The following EPHX4 variants were observed in gnomAD, a reference collection of about 807,000 sequenced individuals.
The protein encoded by EPHX4 is epoxide hydrolase 4.
In EPHX4, 31 loss-of-function variants were observed where a neutral mutation model predicts 44.9. That is an observed-to-expected ratio of 0.69 (90% CI 0.52 to 0.93). EPHX4 has a LOEUF of 0.93. EPHX4 is among the 40% of genes least tolerant of loss of function. The pLI is 0.00. For synonymous variants in EPHX4, 151 were observed against 159.7 expected (o/e 0.95, Z 0.41); for missense variants, 373 against 438.1 (o/e 0.85, Z 1.33).
At chr1:92,038,768 G>A (rs561564241) in intron 2 of EPHX4, among the ~76,000 whole-genome samples, 3 of 152,200 alleles carry the variant, frequency 2.0e-5, no homozygotes, top group African/African-American at 7.2e-5. Context: ...TTCAGACAAA[G>A]GAAACCATAT....
At chr1:92,036,780 G>T (rs954436361) in intron 2 of EPHX4, among the ~76,000 whole-genome samples, 10 of 152,212 alleles carry the variant, frequency 6.6e-5, no homozygotes, top group Admixed American at 6.5e-4. Context: ...CTACCTGGTT[G>T]TTTAGGGAGC....
intron 4 of EPHX4, among the ~76,000 whole-genome samples, chr1:92,048,632 T>G (rs939208219): frequency 2.0e-5 from 3 of 152,178 alleles, no homozygotes; most frequent in Non-Finnish European, 2.9e-5. Flanking sequence ...AATATAGTTA[T>G]GAAATGGGAA....
chr1:92,030,904 A>T (rs1250868109), intron 1 of EPHX4, among the ~76,000 whole-genome samples: 1 of 152,196 alleles, frequency 6.6e-6, no homozygotes, highest in African/African-American at 2.4e-5. Context: ...AAAGAAAGGA[A>T]TGGAATAAAA....
chr1:92,051,739 T>C (rs1029595578), intron 5 of EPHX4, among the ~76,000 whole-genome samples: 1 of 152,358 alleles, frequency 6.6e-6, no homozygotes, highest in South Asian at 2.1e-4. Context: ...AGTGGGCTCA[T>C]GAGTTGTCAG....
intron 6 of EPHX4, 88 bp downstream of exon 6, chr1:92,052,746 C>G (rs372872515): frequency 3.3e-6 from 4 of 1,196,948 alleles, no homozygotes; most frequent in Non-Finnish European, 1.1e-6. Context: ...AAGTTCACCA[C>G]TTATCCAAAG....
chr1:92,050,642 C>T (rs1647232225), intron 5 of EPHX4, among the ~76,000 whole-genome samples: 1 of 151,910 alleles, frequency 6.6e-6, no homozygotes, highest in Non-Finnish European at 1.5e-5. Context: ...CCCCTATGGG[C>T]ATACCCCTTC....
At chr1:92,057,806 G>A (rs939088353) in intron 6 of EPHX4, among the ~76,000 whole-genome samples, 1 of 151,956 alleles carries the variant, frequency 6.6e-6, no homozygotes, top group African/African-American at 2.4e-5. Context: ...CACCATGTTG[G>A]CCAGGCTGGT....
intron 2 of EPHX4, among the ~76,000 whole-genome samples, chr1:92,040,952 C>T (rs940954571): frequency 7.3e-5 from 11 of 151,700 alleles, no homozygotes; most frequent in African/African-American, 2.2e-4. Flanking sequence ...TAATTTTACA[C>T]TGTATTTCCA....
At chr1:92,036,773 C>T (rs933744888) in intron 2 of EPHX4, among the ~76,000 whole-genome samples, 5 of 152,184 alleles carry the variant, frequency 3.3e-5, no homozygotes, top group African/African-American at 9.6e-5. Context: ...CTGAAAGCTA[C>T]CTGGTTGTTT....
At chr1:92,037,210 CAA>C (rs67867195) in intron 2 of EPHX4, among the ~76,000 whole-genome samples, 1 of 149,010 alleles carries the variant, frequency 6.7e-6, no homozygotes, top group African/African-American at 2.5e-5. Flanking sequence ...ACAGTGAAAA[CAA>C]AAAAAAATGA....
chr1:92,059,453 T>C (rs1238885032), intron 6 of EPHX4, among the ~76,000 whole-genome samples: 5 of 151,910 alleles, frequency 3.3e-5, no homozygotes, highest in Non-Finnish European at 4.4e-5. Flanking sequence ...AAAGATAAAC[T>C]TGACTACTAT....
intron 4 of EPHX4, among the ~76,000 whole-genome samples, chr1:92,049,444 G>A (rs888019498): frequency 6.6e-6 from 1 of 152,112 alleles, no homozygotes; most frequent in Admixed American, 6.6e-5. Context: ...AAGTGATCTT[G>A]TAAGCATTTG....
intron 6 of EPHX4, among the ~76,000 whole-genome samples, chr1:92,055,134 A>C (rs573280939): frequency 1.1e-4 from 16 of 152,330 alleles, no homozygotes; most frequent in Non-Finnish European, 2.1e-4. Flanking sequence ...AAAGGGAGAA[A>C]AAGAAGCAAA....
chr1:92,045,925 A>G (rs1164213874), intron 4 of EPHX4, among the ~76,000 whole-genome samples: 1 of 152,214 alleles, frequency 6.6e-6, no homozygotes, highest in Non-Finnish European at 1.5e-5. Context: ...ATAAAGGGAA[A>G]CATACAATGA....
chr1:92,044,959 CT>C (rs1688563327), intron 3 of EPHX4, among the ~76,000 whole-genome samples: 1 of 151,962 alleles, frequency 6.6e-6, no homozygotes, highest in African/African-American at 2.4e-5. Context: ...CCCCCCCACA[CT>C]TTTTTTCTTT....
chr1:92,053,882 G>C (rs1359586729), intron 6 of EPHX4, among the ~76,000 whole-genome samples: 1 of 152,076 alleles, frequency 6.6e-6, no homozygotes, highest in East Asian at 1.9e-4. Context: ...TGGGTAGTAG[G>C]GTCTGGAACT....
chr1:92,033,241 A>G (rs1688387237), intron 2 of EPHX4, among the ~76,000 whole-genome samples: 1 of 151,970 alleles, frequency 6.6e-6, no homozygotes, highest in South Asian at 2.1e-4. Context: ...AACAGACCCT[A>G]CTTTTTGATC....
intron 5 of EPHX4, 36 bp from the exon 6 acceptor site, chr1:92,052,472 CAA>C: frequency 6.5e-7 from 1 of 1,543,750 alleles, no homozygotes; most frequent in South Asian, 1.2e-5. Context: ...TATTAGATAA[CAA>C]AAAAGTTTTA....
At chr1:92,033,275 A>G (rs1043361622) in intron 2 of EPHX4, among the ~76,000 whole-genome samples, 1 of 152,070 alleles carries the variant, frequency 6.6e-6, no homozygotes, top group African/African-American at 2.4e-5. Context: ...TAATATTCCT[A>G]AATGTTCCTG....
Sources: gnomAD v4.1 joint callset for allele counts (sites outside exome capture counted in the v4.1 genomes callset) on GRCh38, gnomAD v4.1.1 for gene constraint, MANE v1.5 for transcripts, NCBI Gene and HGNC (gene_info 2026-07-23, HGNC 2026-07-21) for gene names.